Variants in ZBTB1 observed in about 807,000 individuals in gnomAD.
The protein encoded by ZBTB1 is zinc finger and BTB domain-containing protein 1.
In ZBTB1, 13 loss-of-function variants were observed where a neutral mutation model predicts 51.6. The observed-to-expected ratio is 0.25, with a 90% CI of 0.16 to 0.40. The LOEUF (loss-of-function observed/expected upper bound fraction) is 0.40. ZBTB1 is among the 10% of genes least tolerant of loss of function. The pLI, the probability that ZBTB1 is intolerant of heterozygous loss-of-function variation, is 1.00. For missense variants in ZBTB1, 567 were observed against 856.5 expected (o/e 0.66, Z 4.22); for synonymous variants, 240 against 282.2 (o/e 0.85, Z 1.50).
chr14:64,503,788 G>A (rs2079579350), upstream of ZBTB1: 2 of 195,750 alleles, frequency 1.0e-5, no homozygotes, highest in African/African-American at 2.4e-5. Flanking sequence ...TCCCGCGCCG[G>A]CAGCCCGCGA....
exon 3 of ZBTB1, chr14:64,532,838 A>G (rs1253652050): frequency 6.6e-6 from 1 of 152,088 alleles, no homozygotes; most frequent in Non-Finnish European, 1.5e-5. Flanking sequence ...TAGTCTGGCT[A>G]TAAATGCTTT....
chr14:64,512,421 C>T (rs1160955049), intron 1 of ZBTB1, among the ~76,000 whole-genome samples: 1 of 152,162 alleles, frequency 6.6e-6, no homozygotes, highest in African/African-American at 2.4e-5. Flanking sequence ...GTACAGTAGG[C>T]ATTGCTGTAT....
intron 1 of ZBTB1, among the ~76,000 whole-genome samples, chr14:64,512,427 T>A (rs910158646): frequency 6.6e-6 from 1 of 152,246 alleles, no homozygotes; most frequent in Non-Finnish European, 1.5e-5. Flanking sequence ...TAGGCATTGC[T>A]GTATCACACT....
At chr14:64,531,709 C>T (rs2079943165) in intron 2 of ZBTB1, 1 of 753,508 alleles carries the variant, frequency 1.3e-6, no homozygotes, top group Admixed American at 2.9e-5. Context: ...ATTCTAGGGG[C>T]TATGCTTGTG....
downstream of ZBTB1, among the ~76,000 whole-genome samples, chr14:64,527,157 T>TA (rs551980162): frequency 1.2e-3 from 170 of 144,640 alleles, 1 homozygote; most frequent in Middle Eastern, 3.5e-3. Flanking sequence ...GCTAATAATT[T>TA]AAAAAAAAAA....
upstream of ZBTB1, chr14:64,504,067 G>C (rs2079591485): frequency 6.6e-6 from 1 of 152,334 alleles, no homozygotes; most frequent in Admixed American, 6.5e-5. Flanking sequence ...AAAAGCACAG[G>C]CACCCCCTCA....
chr14:64,530,370 A>G (rs2079933828), intron 2 of ZBTB1, among the ~76,000 whole-genome samples: 1 of 152,200 alleles, frequency 6.6e-6, no homozygotes, highest in Admixed American at 6.5e-5. Context: ...GCACTTTGAG[A>G]GGCCGAGGCA....
At chr14:64,528,334 TTTTTC>T (rs1566638513), downstream of ZBTB1, among the ~76,000 whole-genome samples, 2 of 144,482 alleles carry the variant, frequency 1.4e-5, no homozygotes, top group Non-Finnish European at 3.0e-5. Context: ...AGTTAAAACA[TTTTTC>T]TTTTCTTTTT....
At chr14:64,531,846 T>C in intron 2 of ZBTB1, 2 of 1,613,708 alleles carry the variant, frequency 1.2e-6, no homozygotes, top group Non-Finnish European at 8.5e-7. Context: ...AGTTTTGTCT[T>C]TTTCTGTGTG....
intron 1 of ZBTB1, 27 bp downstream of exon 1, chr14:64,504,973 TTTGCGCAACTTTGGC>T (rs2079618477): frequency 2.5e-6 from 1 of 393,800 alleles, no homozygotes; most frequent in Non-Finnish European, 4.5e-6. Context: ...TGTGGGGCTA[TTTGCGCAACTTTGGC>T]CCAGGCCGGA....
At chr14:64,509,626 TAAAC>T (rs2079702508) in intron 1 of ZBTB1, among the ~76,000 whole-genome samples, 1 of 152,162 alleles carries the variant, frequency 6.6e-6, no homozygotes. Context: ...TGGTTTGAAT[TAAAC>T]AAAACTGGAG....
At position 64,504,875 on chromosome 14, in the gene ZBTB1, G is replaced by A. The variant is rs1019612159; in HGVS notation, c.-90G>A. On this transcript the variant is annotated 5_prime_UTR_variant, in exon 1 of 2. Coordinates refer to ENST00000683701, the MANE Select transcript of ZBTB1 (RefSeq NM_001123329.2). ...TGCAGCTCGCGGCCCCTTCGCCTTC[G>A]CCCGCCTTTCCCGCGGCTGATTTGC... The A allele has an allele frequency of 3.3e-5, 13 of 396,568 alleles. No homozygotes were observed. Among genetic ancestry groups the A allele is most frequent in the African/African-American group, 6.2e-5 (3 of 48,420 alleles). The allele number at this position is 396,568 out of a possible 1,614,324, so 24.6% of individuals were successfully genotyped here. A position where few individuals can be genotyped will look rare whatever the true frequency, so the allele number is the denominator to read the frequency against.
In ZBTB1 at chr14:64,521,491, CTA is replaced by C; in HGVS notation, c.-13_-12del. Reference sequence around the variant, plus strand: ...TAATATTTTTGTTTTACATAGGTCTCTAATTAACAGAAGATGGCAAAGCCCAG... The same window carrying C: ...TAATATTTTTGTTTTACATAGGTCTCATTAACAGAAGATGGCAAAGCCCAG... On this transcript the variant is annotated 5_prime_UTR_variant, in exon 2 of 2. Coordinates refer to ENST00000683701, the MANE Select transcript of ZBTB1 (RefSeq NM_001123329.2). 1.3e-6 allele frequency: 2 copies of C among 1,577,788 alleles called. No individual in the cohort carries two copies. Among genetic ancestry groups the C allele is most frequent in the South Asian group, 2.4e-5 (2 of 84,952 alleles).
intron 1 of ZBTB1, among the ~76,000 whole-genome samples, chr14:64,506,645 C>G (rs2079661928): frequency 6.6e-6 from 1 of 152,180 alleles, no homozygotes; most frequent in Non-Finnish European, 1.5e-5. Context: ...TTCAGTTAAC[C>G]TCTTACATTC....
intron 1 of ZBTB1, among the ~76,000 whole-genome samples, chr14:64,518,157 C>T (rs941355851): frequency 6.6e-6 from 1 of 152,040 alleles, no homozygotes; most frequent in Non-Finnish European, 1.5e-5. Context: ...ATTTTTAATT[C>T]ACTGCCACAT....
intron 1 of ZBTB1, among the ~76,000 whole-genome samples, chr14:64,509,978 A>AT (rs1487177254): frequency 1.3e-4 from 18 of 137,482 alleles, no homozygotes; most frequent in Admixed American, 9.9e-4. Flanking sequence ...CTCCGTCTCA[A>AT]TTAAAAAAAA....
chr14:64,524,003 T>C lies in ZBTB1; in HGVS notation c.*357T>C. On this transcript the variant is annotated 3_prime_UTR_variant, in exon 2 of 2. Transcript: ENST00000683701. ...ATGTGTTTTTTTTTTTTTAAGGTTA[T>C]CCTGTGAAATTTTAAACCCAGAATC... The C allele has an allele frequency of 3.0e-6, 3 of 1,005,272 alleles. No homozygotes were observed. The highest frequency in any genetic ancestry group is 2.4e-6 in the Non-Finnish European group (2 of 833,168). 62.3% of individuals were successfully genotyped at this position (1,005,272 alleles called of 1,614,324 possible). A position where few individuals can be genotyped will look rare whatever the true frequency, so the allele number is the denominator to read the frequency against.
chr14:64,521,763 A>G lies in ZBTB1; in HGVS notation c.259A>G (p.Ile87Val), dbSNP rs776417526. 1.2e-6 allele frequency: 2 copies of G among 1,612,688 alleles called. No homozygotes were observed. The highest frequency in any genetic ancestry group is 1.1e-5 in the South Asian group (1 of 91,088). Residue 87 changes from isoleucine (I) to valine (V), a missense_variant, in exon 2 of 2, where the codon ATT becomes GTT. By Grantham distance (29) the Ile-to-Val change is conservative. Transcript: ENST00000683701. ...TTTGCAGTTTATGTATTTAGGAAAA[A>G]TTATGACAGCTCCCTCCAGTTTTGA... ...LILQFMYLGK[I>V]MTAPSSFEQF...
rs1268101110 is a variant in ZBTB1 at position 64,513,230 on chromosome 14, CA to C, written c.-18-8256del. Among the ~76,000 whole-genome samples, 4 of 151,986 alleles carry C rather than the reference CA, an allele frequency of 2.6e-5. No individual in the cohort carries two copies. The East Asian group carries it at 7.7e-4, about 29-fold the overall frequency. ...GTGCATATCTCACACATATATATTG[CA>C]TATATCCATATATATCCATATGTGT... On this transcript the variant is annotated intron_variant, in intron 1 of 1. Transcript: ENST00000683701.
Sources: gnomAD v4.1 joint callset for allele counts (sites outside exome capture counted in the v4.1 genomes callset) on GRCh38, gnomAD v4.1.1 for gene constraint, MANE v1.5 for transcripts, NCBI Gene and HGNC (gene_info 2026-07-23, HGNC 2026-07-21) for gene names.